The following IL1R1 variants were observed in gnomAD, a reference collection of about 807,000 sequenced individuals.
The protein encoded by IL1R1 is interleukin-1 receptor type 1.
IL1R1 carries 22 observed loss-of-function variants against 50.2 expected under a neutral mutation model. The ratio of observed to expected loss-of-function variants is 0.44; its 90% confidence interval spans 0.31 to 0.63. The LOEUF is 0.63. IL1R1 is among the 20% of genes least tolerant of loss of function. The pLI, the probability that IL1R1 is intolerant of heterozygous loss-of-function variation, is 0.07. For missense variants in IL1R1, 509 were observed against 676.2 expected, an observed-to-expected ratio of 0.75 and a Z score of 2.74; for synonymous variants, 251 against 236.7, an observed-to-expected ratio of 1.06 and a Z score of -0.55.
intron 1 of IL1R1, among the ~76,000 whole-genome samples, chr2:102,094,371 C>G (rs1015741414): frequency 1.3e-5 from 2 of 152,134 alleles, no homozygotes; most frequent in Non-Finnish European, 2.9e-5. Context: ...ATCAGAGAAC[C>G]TGATAGATAT....
chr2:102,108,600 T>C (rs1309940982), intron 1 of IL1R1, among the ~76,000 whole-genome samples: 1 of 151,886 alleles, frequency 6.6e-6, no homozygotes, highest in Non-Finnish European at 1.5e-5. Flanking sequence ...CCCAGTTCTG[T>C]GGAGAAAAGA....
chr2:102,177,911 CA>C lies in IL1R1; in HGVS notation c.*1153del, dbSNP rs1034311092. The stretch of plus-strand genomic sequence containing the variant: ...ATCCCGCTCCTGCTGAAACACCTCC[CA>C]GGGGCTCCACCTGTTCAGGAGCTGA... On this transcript the variant is annotated 3_prime_UTR_variant, in exon 12 of 12. Transcript: ENST00000410023. 4 of 152,972 alleles carry C rather than the reference CA, an allele frequency of 2.6e-5. No individual in the cohort carries two copies. The highest frequency in any genetic ancestry group is 9.7e-5 in the African/African-American group (4 of 41,448). The allele number at this position is 152,972 out of a possible 1,614,324, so 9.5% of individuals were successfully genotyped here. A position where few individuals can be genotyped will look rare whatever the true frequency, so the allele number is the denominator to read the frequency against.
chr2:102,160,586 T>C (rs989358546), intron 3 of IL1R1, among the ~76,000 whole-genome samples: 2 of 152,110 alleles, frequency 1.3e-5, no homozygotes, highest in Non-Finnish European at 2.9e-5. Context: ...TGACCCAAGA[T>C]GGTACCCCAC....
intron 1 of IL1R1, among the ~76,000 whole-genome samples, chr2:102,088,981 A>G (rs1262134869): frequency 6.6e-6 from 1 of 152,228 alleles, no homozygotes; most frequent in Non-Finnish European, 1.5e-5. Context: ...CTTTGGATTA[A>G]GAGAATGTTG....
At chr2:102,175,703 G>A in intron 11 of IL1R1, 58 bp downstream of exon 11, 1 of 1,509,800 alleles carries the variant, frequency 6.6e-7, no homozygotes, top group Non-Finnish European at 9.2e-7. Flanking sequence ...TTAGTAAAAT[G>A]TGGATTCCAT....
chr2:102,087,457 C>T (rs1285279905), intron 1 of IL1R1, among the ~76,000 whole-genome samples: 4 of 152,218 alleles, frequency 2.6e-5, no homozygotes, highest in Non-Finnish European at 4.4e-5. Flanking sequence ...ACTGCTTTCT[C>T]AATTCAGTTT....
At chr2:102,174,822 G>A (rs771744736) in intron 10 of IL1R1, 92 bp downstream of exon 10, 22 of 1,058,750 alleles carry the variant, frequency 2.1e-5, no homozygotes, top group Admixed American at 8.2e-5. Flanking sequence ...TTACTAAGAG[G>A]GTTTCTAAAA....
At chr2:102,095,930 G>C (rs1459653478) in intron 1 of IL1R1, among the ~76,000 whole-genome samples, 3 of 152,114 alleles carry the variant, frequency 2.0e-5, no homozygotes, top group Non-Finnish European at 4.4e-5. Flanking sequence ...TTGAACCCGG[G>C]AGGCGGAGCT....
chr2:102,143,994 C>T (rs551153848), intron 1 of IL1R1, among the ~76,000 whole-genome samples: 3 of 152,306 alleles, frequency 2.0e-5, no homozygotes, highest in East Asian at 3.9e-4. Context: ...TGCCAGGCTT[C>T]TGGACATTGA....
chr2:102,123,534 G>A (rs549410326), intron 1 of IL1R1, among the ~76,000 whole-genome samples: 1 of 152,278 alleles, frequency 6.6e-6, no homozygotes, highest in South Asian at 2.1e-4. Context: ...CCAGCACTTT[G>A]GGAGGCCAAG....
intron 9 of IL1R1, 84 bp from the exon 10 acceptor site, chr2:102,174,503 G>A (rs772684701): frequency 3.9e-6 from 4 of 1,030,512 alleles, no homozygotes; most frequent in Non-Finnish European, 4.1e-6. Context: ...TCTCTGAGAC[G>A]AAGATATTTA....
chr2:102,115,641 C>T (rs2310184), intron 1 of IL1R1, among the ~76,000 whole-genome samples: 112,213 of 152,006 alleles, frequency 0.74, 41,923 homozygotes, highest in African/African-American at 0.83. Context: ...TTCTCCTGGT[C>T]GGAGGGATGG....
chr2:102,141,084 A>T (rs974788678), upstream of IL1R1, among the ~76,000 whole-genome samples: 2 of 152,238 alleles, frequency 1.3e-5, no homozygotes, highest in African/African-American at 4.8e-5. Context: ...GTTCACCATC[A>T]TAGTGCTTCT....
chr2:102,070,716 G>A (rs1678677771), intron 1 of IL1R1, among the ~76,000 whole-genome samples: 1 of 151,970 alleles, frequency 6.6e-6, no homozygotes, highest in African/African-American at 2.4e-5. Flanking sequence ...TTCCAGAAGG[G>A]GCCCCTTTAC....
chr2:102,149,043 CAT>C lies in IL1R1; in HGVS notation c.-83-4897_-83-4896del, dbSNP rs796319921. Among the ~76,000 whole-genome samples, 3 of 152,336 alleles carry C rather than the reference CAT, an allele frequency of 2.0e-5. No homozygotes were observed. In the South Asian group the frequency reaches 6.2e-4, roughly 32 times the overall value. Reference sequence around the variant, plus strand: ...TCAGTACTGTAACACATTCCCCGTACATGTTTCCACCGATTTTCAGTAGAACA... The same window carrying C: ...TCAGTACTGTAACACATTCCCCGTACGTTTCCACCGATTTTCAGTAGAACA... On this transcript the variant is annotated intron_variant, in intron 1 of 11. Coordinates refer to ENST00000410023, the MANE Select transcript of IL1R1 (RefSeq NM_000877.4).
chr2:102,086,873 G>C (rs13382466), intron 1 of IL1R1, among the ~76,000 whole-genome samples: 35,291 of 151,914 alleles, frequency 0.23, 4,598 homozygotes, highest in East Asian at 0.53. Flanking sequence ...TACTCAGAGT[G>C]ACCTACATTT....
At chr2:102,124,188 G>A (rs1411875618) in intron 1 of IL1R1, among the ~76,000 whole-genome samples, 4 of 152,166 alleles carry the variant, frequency 2.6e-5, no homozygotes, top group Non-Finnish European at 4.4e-5. Flanking sequence ...TTGGGAGGCT[G>A]AGGTGGGCAG....
At chr2:102,147,551 G>T (rs182134743) in intron 1 of IL1R1, among the ~76,000 whole-genome samples, 1 of 152,168 alleles carries the variant, frequency 6.6e-6, no homozygotes, top group Non-Finnish European at 1.5e-5. Context: ...AGGGGACAAA[G>T]GACAAGAGAT....
intron 1 of IL1R1, among the ~76,000 whole-genome samples, chr2:102,092,844 T>G (rs1679734802): frequency 6.6e-6 from 1 of 152,140 alleles, no homozygotes; most frequent in South Asian, 2.1e-4. Context: ...CTATGATTTT[T>G]TTTTTCAGCC....
Sources: gnomAD v4.1 joint callset for allele counts (sites outside exome capture counted in the v4.1 genomes callset) on GRCh38, gnomAD v4.1.1 for gene constraint, MANE v1.5 for transcripts, NCBI Gene and HGNC (gene_info 2026-07-23, HGNC 2026-07-21) for gene names.